Variants in CEP250 observed in about 807,000 individuals in gnomAD.
CEP250 encodes centrosome-associated protein CEP250.
Under a neutral mutation model 315.7 loss-of-function variants are expected in CEP250, and 242 were observed. The observed-to-expected ratio is 0.77, with a 90% CI of 0.69 to 0.85. The LOEUF is 0.85. CEP250 is among the 40% of genes least tolerant of loss of function. The pLI, the probability that CEP250 is intolerant of heterozygous loss-of-function variation, is 0.00. For synonymous variants in CEP250, 1,088 were observed against 1,175.0 expected (o/e 0.93, Z 1.51); for missense variants, 2,515 against 2,886.4 (o/e 0.87, Z 2.95).
chr20:35,496,569 C>G lies in CEP250; in HGVS notation c.3168-8C>G. 1 of 1,613,360 alleles carries G rather than the reference C, an allele frequency of 6.2e-7. No homozygotes were observed. Among genetic ancestry groups the G allele is most frequent in the Non-Finnish European group, 8.5e-7 (1 of 1,179,630 alleles). On this transcript the variant is annotated splice_polypyrimidine_tract_variant and splice_region_variant and intron_variant, in intron 24 of 34. Transcript: ENST00000397527. ...AATGGCCCAGCACTCTGACCCCTCT[C>G]TTTTTAGCCTGACTCTCTCACTGAT...
chr20:35,462,105 C>A (rs1199060826), intron 3 of CEP250, among the ~76,000 whole-genome samples, 160 bp from the exon 4 acceptor site: 1 of 152,180 alleles, frequency 6.6e-6, no homozygotes, highest in Admixed American at 6.5e-5. Context: ...AGACACTAGT[C>A]CTGTGAGCTT....
intron 20 of CEP250, among the ~76,000 whole-genome samples, chr20:35,488,824 G>A (rs193143083): frequency 1.3e-5 from 2 of 152,230 alleles, no homozygotes; most frequent in African/African-American, 4.8e-5. Flanking sequence ...GTTTAGGCGT[G>A]AGGAATGATG....
At position 35,503,159 on chromosome 20, in the gene CEP250, T is replaced by C. The variant is rs760665336; in HGVS notation, c.4790T>C (p.Leu1597Pro). 6.2e-7 allele frequency: 1 copy of C among 1,613,998 alleles called. No homozygotes were observed. The highest frequency in any genetic ancestry group is 1.7e-5 in the Admixed American group (1 of 60,006). Reference protein sequence around the residue: ...RVALTHLTLDLEERSQELQAQ... With the variant: ...RVALTHLTLDPEERSQELQAQ... ...GCTTTGACCCACCTTACGCTGGACCTAGAAGAAAGGAGCCAGGAGCTGCAG... is the reference window on the plus strand; with the variant it reads ...GCTTTGACCCACCTTACGCTGGACCCAGAAGAAAGGAGCCAGGAGCTGCAG... Residue 1597 changes from leucine (L) to proline (P), a missense_variant, in exon 30 of 35, where the codon CTA becomes CCA. Coordinates refer to ENST00000397527, the MANE Select transcript of CEP250 (RefSeq NM_007186.6). This position sits in a 1 kb window ranked among gnomAD's most constrained non-coding sequence, Gnocchi z 4.2.
chr20:35,511,637 C>T lies in CEP250; in HGVS notation c.*11C>T. On this transcript the variant is annotated 3_prime_UTR_variant, in exon 35 of 35. Transcript: ENST00000397527. ...GCCGCCTCCAGGTAGCAGCCACAGCCAGGAGCACACAGACAGAAGACTGTG... is the reference window on the plus strand; with the variant it reads ...GCCGCCTCCAGGTAGCAGCCACAGCTAGGAGCACACAGACAGAAGACTGTG... 1 of 1,603,588 alleles carries T rather than the reference C, an allele frequency of 6.2e-7. No homozygotes were observed. Among genetic ancestry groups the T allele is most frequent in the Non-Finnish European group, 8.5e-7 (1 of 1,174,006 alleles).
chr20:35,464,103 C>G (rs924287130), intron 5 of CEP250, among the ~76,000 whole-genome samples: 9 of 152,186 alleles, frequency 5.9e-5, no homozygotes. Context: ...ATTGAGCACC[C>G]TCAATGCAGT....
Position 35,498,724 on chromosome 20 carries a change from T to A in CEP250, c.3777+8T>A. The A allele has an allele frequency of 6.4e-7, 1 of 1,562,344 alleles. No homozygotes were observed. Among genetic ancestry groups the A allele is most frequent in the East Asian group, 2.4e-5 (1 of 42,304 alleles). ...AAGACTCAACAGACCCGGGTATGTTTCTCTGCTCCCCTTTCCCGAACTCTT... is the reference window on the plus strand; with the variant it reads ...AAGACTCAACAGACCCGGGTATGTTACTCTGCTCCCCTTTCCCGAACTCTT... On this transcript the variant is annotated splice_region_variant and intron_variant, in intron 27 of 34. Transcript: ENST00000397527.
At chr20:35,470,367 G>A (rs746037074) in intron 10 of CEP250, among the ~76,000 whole-genome samples, 15 of 152,308 alleles carry the variant, frequency 9.8e-5, no homozygotes, top group South Asian at 4.1e-4. Context: ...ATGTTTAGCC[G>A]GGAGAAGAAA....
Position 35,512,103 on chromosome 20 carries a change from G to A in CEP250, c.*477G>A, listed in dbSNP as rs916132961. The A allele has an allele frequency of 1.2e-5, 11 of 934,748 alleles. No individual in the cohort carries two copies. In the African/African-American group the frequency reaches 1.8e-4, roughly 15 times the overall value. 57.9% of individuals were successfully genotyped at this position (934,748 alleles called of 1,614,324 possible). A position where few individuals can be genotyped will look rare whatever the true frequency, so the allele number is the denominator to read the frequency against. On this transcript the variant is annotated 3_prime_UTR_variant, in exon 35 of 35. Transcript: ENST00000397527. ...TTATTGTACACCATGCACTGTGATA[G>A]GGAAGGGTTACAGAGAACACACAAG...
At chr20:35,482,058 TAGATAGA>T (rs2063361861) in intron 20 of CEP250, among the ~76,000 whole-genome samples, 1 of 145,762 alleles carries the variant, frequency 6.9e-6, no homozygotes, top group Non-Finnish European at 1.5e-5. Context: ...AATAGATAGA[TAGATAGA>T]TAGATAGATA....
At chr20:35,507,886 G>T (rs2064235836) in intron 31 of CEP250, 35 bp downstream of exon 31, 1 of 1,603,252 alleles carries the variant, frequency 6.2e-7, no homozygotes, top group East Asian at 2.2e-5. Context: ...AGGTGACCCA[G>T]CAGGGAGCTC....
intron 16 of CEP250, 26 bp downstream of exon 16, chr20:35,476,621 A>C: frequency 6.2e-7 from 1 of 1,605,784 alleles, no homozygotes; most frequent in Non-Finnish European, 8.5e-7. Context: ...CCTGGTCCCC[A>C]CAGAAGGGCT....
At chr20:35,510,856 G>A (rs569317163) in intron 34 of CEP250, among the ~76,000 whole-genome samples, 2 of 152,092 alleles carry the variant, frequency 1.3e-5, no homozygotes, top group African/African-American at 2.4e-5. Context: ...TTAGCTGGAC[G>A]TGGTGGTGCA....
intron 28 of CEP250, 120 bp from the exon 29 acceptor site, chr20:35,501,725 T>C: frequency 1.7e-6 from 2 of 1,166,232 alleles, no homozygotes; most frequent in South Asian, 1.6e-5. Context: ...AATTTTCTCC[T>C]TCTTGGCCTT....
intron 34 of CEP250, 27 bp from the exon 35 acceptor site, chr20:35,511,336 C>CT (rs746660579): frequency 0.11 from 102,226 of 910,594 alleles, 124 homozygotes; most frequent in Non-Finnish European, 0.12. Context: ...GCTGCTCTCG[C>CT]TTTTTTTTTT....
chr20:35,501,343 A>G (rs1303101539), intron 28 of CEP250, among the ~76,000 whole-genome samples: 4 of 152,158 alleles, frequency 2.6e-5, no homozygotes, highest in Non-Finnish European at 5.9e-5. Flanking sequence ...TCTCAAAAAA[A>G]GAAAAAAAGA....
chr20:35,479,136 C>T, intron 17 of CEP250, 95 bp from the exon 18 acceptor site: 1 of 1,238,410 alleles, frequency 8.1e-7, no homozygotes. Flanking sequence ...GAGCTGGGTC[C>T]AGAATCTCTG....
rs370930613 is a variant in CEP250, at chr20:35,494,672, C to A, written c.3167+15C>A. The A allele has an allele frequency of 3.1e-6, 5 of 1,613,152 alleles. No homozygotes were observed. Among genetic ancestry groups the A allele is most frequent in the East Asian group, 4.5e-5 (2 of 44,864 alleles). ...GAGAAAGCCAGGTAGGCTAGATAGGCCATGGAGGTGGCTTTTGTCTATCTG... is the reference window on the plus strand; with the variant it reads ...GAGAAAGCCAGGTAGGCTAGATAGGACATGGAGGTGGCTTTTGTCTATCTG... On this transcript the variant is annotated intron_variant, in intron 24 of 34. Transcript: ENST00000397527.
At chr20:35,480,201 G>T in intron 20 of CEP250, 56 bp downstream of exon 20, 1 of 1,515,992 alleles carries the variant, frequency 6.6e-7, no homozygotes. Context: ...TCTACCTGCT[G>T]CCTCTTGGTC....
chr20:35,474,119 A>G (rs996185455), intron 14 of CEP250, 67 bp downstream of exon 14: 20 of 1,294,738 alleles, frequency 1.5e-5, no homozygotes, highest in Middle Eastern at 5.6e-4. Context: ...CTCCCCGTCT[A>G]CTCCCCTCTG....
Sources: gnomAD v4.1 joint callset for allele counts (sites outside exome capture counted in the v4.1 genomes callset) on GRCh38, gnomAD v4.1.1 for gene constraint, Gnocchi (gnomAD v3.1) non-coding constraint, MANE v1.5 for transcripts, NCBI Gene and HGNC (gene_info 2026-07-23, HGNC 2026-07-21) for gene names.